Variants in ANO4 observed in about 807,000 individuals in gnomAD.
ANO4 encodes anoctamin 4.
A neutral mutation model predicts 141.9 loss-of-function variants in ANO4; 69 were observed. The observed-to-expected ratio is 0.49, with a 90% CI of 0.40 to 0.59. The LOEUF is 0.59. Among genes scored for constraint, ANO4 ranks in the 20% least tolerant of loss-of-function variants. The pLI is 0.00. For missense variants in ANO4, 894 were observed against 1,162.2 expected, an observed-to-expected ratio of 0.77 and a Z score of 3.36; for synonymous variants, 350 against 394.3, an observed-to-expected ratio of 0.89 and a Z score of 1.33.
rs759382793 is a variant in ANO4, at chr12:101,048,313, A to G, written c.1252-28A>G. The G allele has an allele frequency of 3.0e-5, 48 of 1,608,498 alleles. No homozygotes were observed. The Admixed American group carries it at 7.9e-4, about 26-fold the overall frequency. ...TTGGAATATCATATATGAGAAATTA[A>G]CTCAGCACCGATTCTTATTATTCAC... On this transcript the variant is annotated intron_variant, in intron 13 of 27. Transcript: ENST00000392977.
intron 1 of ANO4, among the ~76,000 whole-genome samples, chr12:100,838,717 T>G (rs2037078026): frequency 6.6e-6 from 1 of 152,182 alleles, no homozygotes; most frequent in South Asian, 2.1e-4. Flanking sequence ...GTTCGATGTT[T>G]TAGCCATGGG....
chr12:100,812,825 C>T (rs894804515), intron 1 of ANO4, among the ~76,000 whole-genome samples: 5 of 152,274 alleles, frequency 3.3e-5, no homozygotes, highest in African/African-American at 1.2e-4. Flanking sequence ...AAGGCTGATT[C>T]TCATAAGACA....
chr12:100,760,327 C>G (rs998848018), intron 3 of ANO4, among the ~76,000 whole-genome samples: 3 of 152,176 alleles, frequency 2.0e-5, no homozygotes, highest in Non-Finnish European at 4.4e-5. Flanking sequence ...CCTTGTTTGA[C>G]AGCCAAGAAA....
intron 3 of ANO4, among the ~76,000 whole-genome samples, chr12:100,770,229 G>A (rs564229689): frequency 6.6e-5 from 10 of 152,268 alleles, no homozygotes; most frequent in African/African-American, 1.9e-4. Flanking sequence ...CAGAATCACC[G>A]GGAGTGCTTG....
intron 3 of ANO4, among the ~76,000 whole-genome samples, chr12:100,929,502 T>G (rs1200702839): frequency 6.6e-6 from 1 of 152,180 alleles, no homozygotes; most frequent in East Asian, 1.9e-4. Flanking sequence ...ACCATTTTCT[T>G]TATCTGTTCA....
intron 8 of ANO4, among the ~76,000 whole-genome samples, chr12:101,007,982 A>T (rs1354811056): frequency 6.6e-6 from 1 of 152,184 alleles, no homozygotes; most frequent in Non-Finnish European, 1.5e-5. Flanking sequence ...TTCCCTCAAA[A>T]GTCTACCTTC....
chr12:100,928,798 A>G (rs915983877), intron 3 of ANO4, among the ~76,000 whole-genome samples: 6 of 151,984 alleles, frequency 3.9e-5, no homozygotes, highest in Non-Finnish European at 7.4e-5. Flanking sequence ...CCTTTTTTTT[A>G]CAATGAAGTA....
intron 9 of ANO4, among the ~76,000 whole-genome samples, chr12:101,024,905 T>C (rs1447672308): frequency 6.6e-6 from 1 of 152,238 alleles, no homozygotes; most frequent in Non-Finnish European, 1.5e-5. Flanking sequence ...TAAATATTGA[T>C]TGATCCTCCA....
intron 5 of ANO4, among the ~76,000 whole-genome samples, chr12:100,945,915 G>GAA (rs142245288): frequency 6.7e-6 from 1 of 150,294 alleles, no homozygotes. Context: ...AAATAAAACA[G>GAA]AAAAAAAAAT....
chr12:101,110,002 A>C (rs943287384), intron 22 of ANO4, among the ~76,000 whole-genome samples: 1 of 152,056 alleles, frequency 6.6e-6, no homozygotes, highest in African/African-American at 2.4e-5. Context: ...GGTGCCTTCA[A>C]GTTTGTTCTG....
At chr12:100,838,312 T>C (rs2037058437) in intron 1 of ANO4, among the ~76,000 whole-genome samples, 1 of 149,904 alleles carries the variant, frequency 6.7e-6, no homozygotes, top group Non-Finnish European at 1.5e-5. Flanking sequence ...TAAAACTGAA[T>C]GGGGGTATGG....
intron 1 of ANO4, among the ~76,000 whole-genome samples, chr12:100,888,358 T>C (rs1299217542): frequency 1.3e-5 from 2 of 152,162 alleles, no homozygotes; most frequent in African/African-American, 4.8e-5. Flanking sequence ...GTTATGGAAA[T>C]TGACAAGAGA....
chr12:100,858,489 G>A (rs935047463), intron 1 of ANO4, among the ~76,000 whole-genome samples: 1 of 152,054 alleles, frequency 6.6e-6, no homozygotes, highest in South Asian at 2.1e-4. Flanking sequence ...ATATGGGTGT[G>A]GATTGTATAA....
chr12:100,827,705 T>C (rs1415138966), intron 1 of ANO4, among the ~76,000 whole-genome samples: 1 of 150,446 alleles, frequency 6.6e-6, no homozygotes, highest in Non-Finnish European at 1.5e-5. Context: ...TTATTTTAGA[T>C]AATAAAAGCA....
intron 4 of ANO4, among the ~76,000 whole-genome samples, 168 bp from the exon 5 acceptor site, chr12:100,942,209 G>A (rs2042550925): frequency 6.6e-6 from 1 of 152,034 alleles, no homozygotes; most frequent in African/African-American, 2.4e-5. Context: ...TCGAACTCCT[G>A]ACCTCGTGAT....
chr12:100,851,414 T>A (rs917036574), intron 1 of ANO4, among the ~76,000 whole-genome samples: 3 of 152,210 alleles, frequency 2.0e-5, no homozygotes, highest in African/African-American at 7.2e-5. Flanking sequence ...GAGATTTTAA[T>A]GTTCTTTCTA....
chr12:101,118,442 G>T (rs1435904770), intron 25 of ANO4, among the ~76,000 whole-genome samples: 2 of 151,968 alleles, frequency 1.3e-5, no homozygotes, highest in African/African-American at 2.4e-5. Context: ...GTCCCCCAAA[G>T]AAAACATTTT....
intron 15 of ANO4, 147 bp from the exon 16 acceptor site, chr12:101,083,531 A>T: frequency 1.1e-6 from 1 of 890,136 alleles, no homozygotes; most frequent in Non-Finnish European, 1.7e-6. Flanking sequence ...TCAAACATTT[A>T]AGCCTGGGCA....
At chr12:100,989,621 AGATGGATG>A (rs375754773) in intron 8 of ANO4, among the ~76,000 whole-genome samples, 1,301 of 103,256 alleles carry the variant, frequency 0.013, 11 homozygotes, top group Middle Eastern at 0.032. Context: ...ATGGATGGAT[AGATGGATG>A]GATGGATGGA....
Sources: gnomAD v4.1 joint callset for allele counts (sites outside exome capture counted in the v4.1 genomes callset) on GRCh38, gnomAD v4.1.1 for gene constraint, MANE v1.5 for transcripts, NCBI Gene and HGNC (gene_info 2026-07-23, HGNC 2026-07-21) for gene names.